Variants in CAMTA1 observed in about 807,000 individuals in gnomAD.
CAMTA1 encodes calmodulin-binding transcription activator 1.
Under a neutral mutation model 170.9 loss-of-function variants are expected in CAMTA1, and 27 were observed. That is an observed-to-expected ratio of 0.16 (90% CI 0.12 to 0.22). The LOEUF is 0.22. Among genes scored for constraint, CAMTA1 ranks in the 10% least tolerant of loss-of-function variants. CAMTA1 has a pLI of 1.00. For synonymous variants in CAMTA1, 833 were observed against 891.5 expected (o/e 0.93, Z 1.17); for missense variants, 1,619 against 2,217.2 (o/e 0.73, Z 5.42).
chr1:6,845,302 C>T (rs978883009), intron 3 of CAMTA1, among the ~76,000 whole-genome samples: 3 of 152,184 alleles, frequency 2.0e-5, no homozygotes, highest in African/African-American at 4.8e-5. Context: ...AGAAGCAGCA[C>T]GTGGACAAGC....
intron 4 of CAMTA1, among the ~76,000 whole-genome samples, chr1:7,207,713 G>A (rs947876671): frequency 2.6e-5 from 4 of 152,136 alleles, no homozygotes; most frequent in African/African-American, 7.2e-5. Flanking sequence ...CACCGGCTCT[G>A]TGCTTCTCCA....
intron 3 of CAMTA1, among the ~76,000 whole-genome samples, chr1:6,839,492 T>C (rs933683586): frequency 2.0e-5 from 3 of 152,136 alleles, no homozygotes; most frequent in Non-Finnish European, 4.4e-5. Context: ...CAGGCACTAG[T>C]TGGAGTTGCT....
Position 7,312,951 on chromosome 1 carries a change from G to A in CAMTA1, c.438+63325G>A, listed in dbSNP as rs181053448. ...TTTAATGGCTCCATGACATTTTCTT[G>A]GTGAGTATCCTACATTTATTTATTT... On this transcript the variant is annotated intron_variant, in intron 5 of 22. Coordinates refer to ENST00000303635, the MANE Select transcript of CAMTA1 (RefSeq NM_015215.4). Among the ~76,000 whole-genome samples, 575 of 151,916 alleles carry A rather than the reference G, an allele frequency of 3.8e-3. 2 individuals carry two copies. Among genetic ancestry groups the A allele is most frequent in the Middle Eastern group, 0.014 (4 of 294 alleles).
intron 3 of CAMTA1, among the ~76,000 whole-genome samples, chr1:7,084,833 C>T (rs9434833): frequency 0.14 from 21,366 of 152,046 alleles, 1,609 homozygotes; most frequent in East Asian, 0.25. Context: ...CACACAGGGA[C>T]TTAGTAGGGA....
chr1:7,077,759 G>A (rs1639491553), intron 3 of CAMTA1, among the ~76,000 whole-genome samples: 3 of 152,138 alleles, frequency 2.0e-5, no homozygotes, highest in Non-Finnish European at 4.4e-5. Flanking sequence ...AGGTGGCTCT[G>A]CTGTACTTGG....
intron 11 of CAMTA1, among the ~76,000 whole-genome samples, chr1:7,687,061 G>A (rs1464306724): frequency 6.6e-6 from 1 of 152,028 alleles, no homozygotes; most frequent in Non-Finnish European, 1.5e-5. Flanking sequence ...GGAGGCCAAT[G>A]AGAGATCCAG....
At chr1:7,654,178 C>G (rs1255320874) in intron 7 of CAMTA1, among the ~76,000 whole-genome samples, 1 of 151,942 alleles carries the variant, frequency 6.6e-6, no homozygotes, top group Non-Finnish European at 1.5e-5. Flanking sequence ...GTCAGGAGTT[C>G]AAGACCAGCC....
chr1:6,938,643 C>T lies in CAMTA1; in HGVS notation c.234+113433C>T, dbSNP rs866740240. On this transcript the variant is annotated intron_variant, in intron 3 of 22. Coordinates refer to ENST00000303635, the MANE Select transcript of CAMTA1 (RefSeq NM_015215.4). ...GTTGCCTTGTTTTCACATGGTCAGT[C>T]GGAGCTGGTAGGCTGGGCCAAGTGG... 3.3e-5 allele frequency among the ~76,000 whole-genome samples: 5 copies of T among 152,142 alleles called. No individual in the cohort carries two copies. In the South Asian group the frequency reaches 1.0e-3, roughly 32 times the overall value.
intron 4 of CAMTA1, among the ~76,000 whole-genome samples, chr1:7,198,927 C>T (rs1487904068): frequency 6.6e-6 from 1 of 152,200 alleles, no homozygotes. Context: ...TCCAGTTCTT[C>T]TTCCCTACTC....
intron 4 of CAMTA1, among the ~76,000 whole-genome samples, chr1:7,098,143 G>A (rs1374445174): frequency 6.6e-6 from 1 of 152,182 alleles, no homozygotes; most frequent in Non-Finnish European, 1.5e-5. Context: ...GCGTGCGCAT[G>A]CGTGTGTGTG....
In CAMTA1 at chr1:7,467,898, T is replaced by G. The variant is rs1319598329; in HGVS notation, c.507T>G (p.Leu169=). 5.6e-6 allele frequency: 9 copies of G among 1,612,968 alleles called. No homozygotes were observed. Among genetic ancestry groups the G allele is most frequent in the Non-Finnish European group, 7.6e-6 (9 of 1,178,884 alleles). Residue 169 remains leucine, a synonymous_variant, in exon 6 of 23, where the codon CTT becomes CTG. Coordinates refer to ENST00000303635, the MANE Select transcript of CAMTA1 (RefSeq NM_015215.4). ...TCCACCGGAGGTGCTACTGGCTCCT[T>G]CAGGTAGGTGGCTGGGACTGGATTC... is the stretch of plus-strand genomic sequence containing the variant. ...PTFHRRCYWL[L]QNPDIVLVHY...
intron 3 of CAMTA1, among the ~76,000 whole-genome samples, chr1:7,023,326 C>G (rs1469146711): frequency 6.6e-6 from 1 of 152,166 alleles, no homozygotes; most frequent in African/African-American, 2.4e-5. Context: ...GGGATGATTC[C>G]TCAACACAAG....
chr1:7,541,295 A>C (rs534628737), intron 6 of CAMTA1, among the ~76,000 whole-genome samples: 1 of 152,240 alleles, frequency 6.6e-6, no homozygotes, highest in Non-Finnish European at 1.5e-5. Flanking sequence ...GGAGAATGGG[A>C]AAATGATACC....
At chr1:7,710,196 G>A (rs2096558874) in intron 11 of CAMTA1, among the ~76,000 whole-genome samples, 1 of 152,172 alleles carries the variant, frequency 6.6e-6, no homozygotes, top group Non-Finnish European at 1.5e-5. Context: ...CATTGAATCA[G>A]TGTTTTGAAT....
intron 5 of CAMTA1, among the ~76,000 whole-genome samples, chr1:7,362,209 G>A (rs1381629779): frequency 6.6e-6 from 1 of 152,234 alleles, no homozygotes; most frequent in Non-Finnish European, 1.5e-5. Flanking sequence ...CTTATGATTG[G>A]TGGGCCTGGG....
intron 6 of CAMTA1, among the ~76,000 whole-genome samples, chr1:7,497,804 A>G (rs907793396): frequency 2.6e-5 from 4 of 152,208 alleles, no homozygotes; most frequent in African/African-American, 9.6e-5. Context: ...GGGCAGCGCT[A>G]GACACCTGGG....
chr1:7,549,496 G>A (rs533844249), intron 6 of CAMTA1, among the ~76,000 whole-genome samples: 1 of 152,284 alleles, frequency 6.6e-6, no homozygotes, highest in Admixed American at 6.5e-5. Flanking sequence ...CGTCAGAAAT[G>A]GGATGACTCA....
At chr1:7,213,267 A>G (rs906060505) in intron 4 of CAMTA1, among the ~76,000 whole-genome samples, 1 of 152,202 alleles carries the variant, frequency 6.6e-6, no homozygotes, top group Non-Finnish European at 1.5e-5. Flanking sequence ...CCTTATCAGC[A>G]TTTGGTGTTG....
chr1:7,060,394 G>T (rs1708027410), intron 3 of CAMTA1, among the ~76,000 whole-genome samples: 1 of 152,210 alleles, frequency 6.6e-6, no homozygotes, highest in Non-Finnish European at 1.5e-5. Context: ...GAGGACACCA[G>T]TCATATTGGA....
Sources: gnomAD v4.1 joint callset for allele counts (sites outside exome capture counted in the v4.1 genomes callset) on GRCh38, gnomAD v4.1.1 for gene constraint, MANE v1.5 for transcripts, NCBI Gene and HGNC (gene_info 2026-07-23, HGNC 2026-07-21) for gene names.